CCSER1: variants seen among roughly 807,000 people sequenced by gnomAD.
The protein encoded by CCSER1 is coiled-coil serine rich protein 1.
CCSER1 carries 41 observed loss-of-function variants against 82.0 expected under a neutral mutation model. That is an observed-to-expected ratio of 0.50 (90% CI 0.39 to 0.65). CCSER1 has a LOEUF of 0.65. Ranked by LOEUF, CCSER1 falls within the 30% of genes least tolerant of loss-of-function variation. The probability of loss-of-function intolerance (pLI) is 0.00; values close to 1 mark genes in which losing one functional copy is unlikely to be tolerated. For synonymous variants in CCSER1, 414 were observed against 383.9 expected (o/e 1.08, Z -0.92); for missense variants, 1,119 against 1,064.2 (o/e 1.05, Z -0.72).
chr4:90,360,435 G>A lies in CCSER1; in HGVS notation c.1510-39601G>A, dbSNP rs1034436447. ...GTCCCAGCTACTCGGGAGGCTGCTC[G>A]GGAGGCTGAGGCAGGAGAATGGGGA... On this transcript the variant is annotated intron_variant, in intron 3 of 10. Transcript: ENST00000509176. Among the ~76,000 whole-genome samples the A allele has an allele frequency of 8.6e-5, 13 of 150,686 alleles. No individual in the cohort carries two copies. In the South Asian group the frequency reaches 2.3e-3, roughly 27 times the overall value.
intron 5 of CCSER1, 145 bp downstream of exon 5, chr4:90,468,499 T>C (rs1578626913): frequency 1.6e-6 from 1 of 637,980 alleles, no homozygotes; most frequent in East Asian, 3.1e-5. Flanking sequence ...TATTCTATAT[T>C]ATCTTAATGA....
At chr4:90,241,001 T>C (rs115479487) in intron 1 of CCSER1, among the ~76,000 whole-genome samples, 1,902 of 152,326 alleles carry the variant, frequency 0.012, 27 homozygotes, top group African/African-American at 0.036. Flanking sequence ...TAGACTCTAT[T>C]CTAATTAAAA....
intron 5 of CCSER1, among the ~76,000 whole-genome samples, chr4:90,509,472 C>T (rs1424255446): frequency 1.3e-5 from 2 of 152,086 alleles, no homozygotes; most frequent in Non-Finnish European, 2.9e-5. Context: ...CTGATTAAAA[C>T]AAGGAATTGA....
chr4:91,243,892 A>G (rs1045377232), intron 10 of CCSER1, among the ~76,000 whole-genome samples: 2 of 152,196 alleles, frequency 1.3e-5, no homozygotes, highest in African/African-American at 4.8e-5. Flanking sequence ...AGGGAAAAGT[A>G]AAGAGGACTT....
intron 1 of CCSER1, among the ~76,000 whole-genome samples, chr4:90,262,758 C>T (rs1471364062): frequency 2.0e-5 from 3 of 152,144 alleles, no homozygotes; most frequent in Non-Finnish European, 4.4e-5. Context: ...GGAAATCTGT[C>T]TACCTCCCAG....
chr4:90,475,754 C>T (rs939963975), intron 5 of CCSER1, among the ~76,000 whole-genome samples: 1 of 152,288 alleles, frequency 6.6e-6, no homozygotes, highest in Non-Finnish European at 1.5e-5. Context: ...AAAGGACTCT[C>T]ATGCACCCAT....
chr4:90,930,503 C>T (rs1311179575), intron 9 of CCSER1, among the ~76,000 whole-genome samples: 1 of 151,814 alleles, frequency 6.6e-6, no homozygotes, highest in Non-Finnish European at 1.5e-5. Context: ...CTACTTGCTA[C>T]TCAGAGACTG....
chr4:90,247,775 A>G (rs879322269), intron 1 of CCSER1, among the ~76,000 whole-genome samples: 3 of 152,020 alleles, frequency 2.0e-5, no homozygotes, highest in Non-Finnish European at 4.4e-5. Flanking sequence ...ATTTTAATAT[A>G]TAGTCAGTTT....
Position 91,599,095 on chromosome 4 carries a change from A to G in CCSER1, c.*38A>G, listed in dbSNP as rs931177623. The G allele has an allele frequency of 6.1e-6, 9 of 1,484,070 alleles. No homozygotes were observed. The highest frequency in any genetic ancestry group is 8.1e-6 in the Non-Finnish European group (9 of 1,112,326). 91.9% of individuals were successfully genotyped at this position (1,484,070 alleles called of 1,614,324 possible). A position where few individuals can be genotyped will look rare whatever the true frequency, so the allele number is the denominator to read the frequency against. ...ATTCCTGTCTTTGGGTAGGATAAAG[A>G]TGGTTAGTGTTTCTCGTGCATAGTT... On this transcript the variant is annotated 3_prime_UTR_variant, in exon 11 of 11. Transcript: ENST00000509176.
At chr4:91,123,391 T>A in intron 10 of CCSER1, among the ~76,000 whole-genome samples, 1 of 151,634 alleles carries the variant, frequency 6.6e-6, no homozygotes, top group East Asian at 1.9e-4. Flanking sequence ...TTTCAGGGAA[T>A]GAGAAAATTA....
At chr4:91,559,156 A>G (rs1270245063) in intron 10 of CCSER1, among the ~76,000 whole-genome samples, 1 of 151,586 alleles carries the variant, frequency 6.6e-6, no homozygotes, top group African/African-American at 2.4e-5. Context: ...TCTGTGCTGG[A>G]AATCCCATTT....
intron 10 of CCSER1, among the ~76,000 whole-genome samples, chr4:91,370,198 G>A (rs1749936886): frequency 6.6e-6 from 1 of 151,912 alleles, no homozygotes; most frequent in South Asian, 2.1e-4. Flanking sequence ...AGAAAGACTG[G>A]GAAAAAATTG....
At chr4:91,420,944 T>C (rs1226583206) in intron 10 of CCSER1, among the ~76,000 whole-genome samples, 3 of 152,160 alleles carry the variant, frequency 2.0e-5, no homozygotes, top group African/African-American at 7.2e-5. Flanking sequence ...CTAAGTGAAA[T>C]AGCCAGAGAC....
At chr4:91,024,074 T>C (rs1740265701) in intron 9 of CCSER1, among the ~76,000 whole-genome samples, 1 of 152,082 alleles carries the variant, frequency 6.6e-6, no homozygotes, top group African/African-American at 2.4e-5. Context: ...CTAGCTCAGG[T>C]CTCTCTTCCT....
At chr4:91,237,028 C>CA (rs1319796249) in intron 10 of CCSER1, among the ~76,000 whole-genome samples, 4 of 152,162 alleles carry the variant, frequency 2.6e-5, no homozygotes, top group African/African-American at 9.7e-5. Context: ...TGGACCTAAA[C>CA]ATACTATTCA....
intron 5 of CCSER1, among the ~76,000 whole-genome samples, chr4:90,543,246 A>T (rs1411236490): frequency 2.0e-5 from 3 of 152,146 alleles, no homozygotes; most frequent in Non-Finnish European, 4.4e-5. Flanking sequence ...ATATATATCA[A>T]CCTAAAAACA....
intron 10 of CCSER1, among the ~76,000 whole-genome samples, chr4:91,291,739 G>T (rs1200991717): frequency 6.6e-6 from 1 of 151,920 alleles, no homozygotes; most frequent in Admixed American, 6.6e-5. Flanking sequence ...CAACAGTGGG[G>T]ATTACAATTT....
chr4:90,132,318 A>G (rs958600032), intron 1 of CCSER1, among the ~76,000 whole-genome samples: 1 of 152,232 alleles, frequency 6.6e-6, no homozygotes, highest in East Asian at 1.9e-4. Context: ...TGATTTCCCT[A>G]TTGGACAGTG....
At chr4:91,594,313 GTATATATACATATATGTACACACA>G (rs1764417905) in intron 10 of CCSER1, among the ~76,000 whole-genome samples, 1 of 147,816 alleles carries the variant, frequency 6.8e-6, no homozygotes, top group African/African-American at 2.5e-5. Flanking sequence ...ATGTATATGT[GTATATATACATATATGTACACACA>G]TATATATACA....
Sources: gnomAD v4.1 joint callset for allele counts (sites outside exome capture counted in the v4.1 genomes callset) on GRCh38, gnomAD v4.1.1 for gene constraint, MANE v1.5 for transcripts, NCBI Gene and HGNC (gene_info 2026-07-23, HGNC 2026-07-21) for gene names.